ZC3H8: variants seen among roughly 807,000 people sequenced by gnomAD.
The protein encoded by ZC3H8 is zinc finger CCCH-type containing 8.
In ZC3H8, 27 loss-of-function variants were observed where a neutral mutation model predicts 42.5. The ratio of observed to expected loss-of-function variants is 0.64; its 90% CI spans 0.47 to 0.88. The LOEUF is 0.88. Ranked by LOEUF, ZC3H8 falls within the 40% of genes least tolerant of loss-of-function variation. The pLI, the probability that ZC3H8 is intolerant of heterozygous loss-of-function variation, is 0.00. For missense variants in ZC3H8, 277 were observed against 336.1 expected, an observed-to-expected ratio of 0.82 and a Z score of 1.37; for synonymous variants, 101 against 110.1, an observed-to-expected ratio of 0.92 and a Z score of 0.52.
At chr2:112,233,826 GCCACTGCACT>G (rs1452586999) in intron 5 of ZC3H8, among the ~76,000 whole-genome samples, 2 of 151,946 alleles carry the variant, frequency 1.3e-5, no homozygotes, top group Non-Finnish European at 2.9e-5. Flanking sequence ...CCGAGAATGC[GCCACTGCACT>G]CCAGCCCAGG....
At chr2:112,227,799 A>C (rs1003498543) in intron 8 of ZC3H8, among the ~76,000 whole-genome samples, 3 of 151,564 alleles carry the variant, frequency 2.0e-5, no homozygotes, top group Non-Finnish European at 4.4e-5. Context: ...GAAAATTACA[A>C]AACTGAGAGA....
rs908587831 is a variant in ZC3H8 at position 112,216,320 on chromosome 2, G to C, written c.*164C>G. On this transcript the variant is annotated 3_prime_UTR_variant, in exon 9 of 9. Coordinates refer to ENST00000409573, the MANE Select transcript of ZC3H8 (RefSeq NM_032494.3). The stretch of plus-strand genomic sequence containing the variant: ...CTTGTACATTAGATCCCAGCTCTCT[G>C]TCCCATCCATTATGGAAGCTGCACA... The C allele has an allele frequency of 6.6e-6, 1 of 152,300 alleles. No individual in the cohort carries two copies. The highest frequency in any genetic ancestry group is 2.4e-5 in the African/African-American group (1 of 41,442). 9.4% of individuals were successfully genotyped at this position (152,300 alleles called of 1,614,324 possible).
intron 4 of ZC3H8, 42 bp downstream of exon 4, chr2:112,236,520 C>T: frequency 1.2e-6 from 2 of 1,600,094 alleles, no homozygotes; most frequent in Non-Finnish European, 1.7e-6. Flanking sequence ...AGTCCAAAAG[C>T]ATGCAGGGGT....
In ZC3H8 at chr2:112,254,982, G is replaced by A; in HGVS notation, c.-1C>T. 1 of 1,606,180 alleles carries A rather than the reference G, an allele frequency of 6.2e-7. No individual in the cohort carries two copies. Among genetic ancestry groups the A allele is most frequent in the Non-Finnish European group, 8.5e-7 (1 of 1,176,768 alleles). ...TTGAGAAAAGATTCTCAAAATCCAT[G>A]ACCCAGACAGGTCCTCCCTTTCGCG... is the stretch of plus-strand genomic sequence containing the variant. On this transcript the variant is annotated 5_prime_UTR_variant, in exon 1 of 9. Transcript: ENST00000409573.
In ZC3H8 at chr2:112,212,536, C is replaced by G. The variant is rs1046631444; in HGVS notation, c.*3948G>C. On this transcript the variant is annotated 3_prime_UTR_variant, in exon 9 of 9. Transcript: ENST00000409573. Reference sequence around the variant, plus strand: ...GCTGCAGGTAGCATAGTAGACAACCCAAATCAAAATGGCTTCAACAATAAT... The same window carrying G: ...GCTGCAGGTAGCATAGTAGACAACCGAAATCAAAATGGCTTCAACAATAAT... The G allele has an allele frequency of 3.7e-4, 57 of 152,178 alleles. No homozygotes were observed. Among genetic ancestry groups the G allele is most frequent in the Middle Eastern group, 3.4e-3 (1 of 294 alleles). 9.4% of individuals were successfully genotyped at this position (152,178 alleles called of 1,614,324 possible). A position where few individuals can be genotyped will look rare whatever the true frequency, so the allele number is the denominator to read the frequency against.
At chr2:112,221,668 A>G (rs1476508393) in intron 8 of ZC3H8, among the ~76,000 whole-genome samples, 2 of 151,952 alleles carry the variant, frequency 1.3e-5, no homozygotes, top group African/African-American at 4.8e-5. Flanking sequence ...ATAAGACTTG[A>G]GACTGCACTG....
Position 112,238,326 on chromosome 2 carries a change from T to C in ZC3H8, c.359A>G (p.Asp120Gly). 6.2e-7 allele frequency: 1 copy of C among 1,613,400 alleles called. No homozygotes were observed. ...EESTKKEGVK[D>G]TPQAAKQKNK... ...AGTTTGACTCTTACCCTGTGGGGTA[T>C]CTTTTACTCCTTCTTTCTTTGTAGA... The change falls in exon 3 of 9, where the codon GAT becomes GGT. Residue 120 changes from aspartate (D) to glycine (G), a missense_variant. Transcript: ENST00000409573.
At chr2:112,222,314 A>C (rs1263379232) in intron 8 of ZC3H8, among the ~76,000 whole-genome samples, 1 of 152,010 alleles carries the variant, frequency 6.6e-6, no homozygotes, top group Non-Finnish European at 1.5e-5. Flanking sequence ...CTGCCTGCAG[A>C]GTTCAGGTAG....
intron 2 of ZC3H8, chr2:112,240,322 T>C (rs1280719492): frequency 6.6e-6 from 1 of 152,164 alleles, no homozygotes; most frequent in African/African-American, 2.4e-5. Flanking sequence ...CACTAACTGA[T>C]CCTTTATGAA....
chr2:112,250,662 C>T (rs1409406226), intron 1 of ZC3H8, among the ~76,000 whole-genome samples: 2 of 152,080 alleles, frequency 1.3e-5, no homozygotes, highest in African/African-American at 4.8e-5. Flanking sequence ...TTTCTATCTC[C>T]TTGGGAGAAA....
At chr2:112,240,855 T>C (rs1407716699) in intron 2 of ZC3H8, among the ~76,000 whole-genome samples, 1 of 152,160 alleles carries the variant, frequency 6.6e-6, no homozygotes, top group Non-Finnish European at 1.5e-5. Context: ...ACATCCCCTT[T>C]CTCCTTTTGT....
intron 2 of ZC3H8, among the ~76,000 whole-genome samples, chr2:112,249,880 T>C (rs987409235): frequency 1.3e-5 from 2 of 152,216 alleles, no homozygotes; most frequent in African/African-American, 4.8e-5. Context: ...TTAACCCAAC[T>C]TGAAAGAAGC....
intron 8 of ZC3H8, among the ~76,000 whole-genome samples, chr2:112,221,566 T>C (rs1684588055): frequency 6.6e-6 from 1 of 152,176 alleles, no homozygotes; most frequent in African/African-American, 2.4e-5. Context: ...GTCTTCTTTA[T>C]TGTTTTTACT....
intron 8 of ZC3H8, among the ~76,000 whole-genome samples, chr2:112,229,508 C>G (rs1441809243): frequency 6.6e-6 from 1 of 152,158 alleles, no homozygotes; most frequent in African/African-American, 2.4e-5. Context: ...GCTTTGCCCT[C>G]TTGAGTTTCT....
At chr2:112,230,330 T>C (rs901248254) in intron 8 of ZC3H8, among the ~76,000 whole-genome samples, 2 of 152,236 alleles carry the variant, frequency 1.3e-5, no homozygotes, top group African/African-American at 4.8e-5. Context: ...TTTATGATGA[T>C]ATGATTCTAC....
chr2:112,251,113 A>T (rs980642197), intron 1 of ZC3H8, among the ~76,000 whole-genome samples: 5 of 152,252 alleles, frequency 3.3e-5, no homozygotes, highest in Admixed American at 2.0e-4. Flanking sequence ...ATATTATCTT[A>T]GTAAGTGGTG....
At chr2:112,238,179 T>C (rs1573912685) in intron 3 of ZC3H8, 136 bp downstream of exon 3, 3 of 906,418 alleles carry the variant, frequency 3.3e-6, no homozygotes, top group African/African-American at 3.4e-5. Context: ...TGCAAGCTCA[T>C]GTCTGGTATA....
At chr2:112,223,149 C>A (rs1195252441) in intron 8 of ZC3H8, among the ~76,000 whole-genome samples, 2 of 151,668 alleles carry the variant, frequency 1.3e-5, no homozygotes, top group African/African-American at 2.4e-5. Context: ...AGGAGATATA[C>A]CTAATGTAAA....
chr2:112,240,029 T>C lies in ZC3H8; in HGVS notation c.157-1501A>G, dbSNP rs796228547. On this transcript the variant is annotated intron_variant, in intron 2 of 8. Coordinates refer to ENST00000409573, the MANE Select transcript of ZC3H8 (RefSeq NM_032494.3). ...CTTGATCTGACAATGGCCTCAATTATACCTTATCTTCCCTACACCAGACAA... is the reference window on the plus strand; with the variant it reads ...CTTGATCTGACAATGGCCTCAATTACACCTTATCTTCCCTACACCAGACAA... 1.3e-4 allele frequency among the ~76,000 whole-genome samples: 20 copies of C among 152,280 alleles called. 1 individual carries two copies. The highest frequency in any genetic ancestry group is 4.8e-4 in the African/African-American group (20 of 41,554).
Sources: allele counts gnomAD v4.1 joint callset (sites outside exome capture counted in the v4.1 genomes callset), GRCh38; gene constraint gnomAD v4.1.1; transcripts MANE v1.5; gene names NCBI Gene and HGNC (gene_info 2026-07-23, HGNC 2026-07-21).